EFR3B: variants seen among roughly 807,000 people sequenced by gnomAD.
EFR3B encodes the protein protein EFR3 homolog B.
In EFR3B, 64 loss-of-function variants were observed where a neutral mutation model predicts 104.7. The observed-to-expected ratio is 0.61, with a 90% CI of 0.50 to 0.75. The LOEUF (loss-of-function observed/expected upper bound fraction) is 0.75, where lower values mean the gene tolerates loss of function less well. Ranked by LOEUF, EFR3B falls within the 30% of genes least tolerant of loss-of-function variation. EFR3B has a pLI of 0.00. For missense variants in EFR3B, 750 were observed against 1,078.5 expected, an observed-to-expected ratio of 0.70 and a Z score of 4.27; for synonymous variants, 385 against 417.9, an observed-to-expected ratio of 0.92 and a Z score of 0.96.
At chr2:25,094,714 C>T (rs561945717) in intron 3 of EFR3B, among the ~76,000 whole-genome samples, 10 of 152,270 alleles carry the variant, frequency 6.6e-5, no homozygotes, top group African/African-American at 2.4e-4. Context: ...TTTAAAAACA[C>T]TTATGCCCTT....
At chr2:25,134,178 T>TATA (rs1491187057) in intron 12 of EFR3B, among the ~76,000 whole-genome samples, 105 of 4,472 alleles carry the variant, frequency 0.023, no homozygotes, top group African/African-American at 0.041. Context: ...TCAGTTTATA[T>TATA]TTTTTTTTTT....
In EFR3B at chr2:25,135,464, C is replaced by T; in HGVS notation, c.1312-3C>T. 1 of 1,551,710 alleles carries T rather than the reference C, an allele frequency of 6.4e-7. No individual in the cohort carries two copies. The highest frequency in any genetic ancestry group is 1.4e-5 in the African/African-American group (1 of 73,176). ...GGCATAGCTGTCCATACCTCCCTTGCAGGTATCCACAGGTTTCCAGTGCAA... is the reference window on the plus strand; with the variant it reads ...GGCATAGCTGTCCATACCTCCCTTGTAGGTATCCACAGGTTTCCAGTGCAA... On this transcript the variant is annotated splice_region_variant and splice_polypyrimidine_tract_variant and intron_variant, in intron 12 of 22. Transcript: ENST00000403714.
At chr2:25,076,780 T>C (rs1269013849) in intron 1 of EFR3B, among the ~76,000 whole-genome samples, 1 of 152,170 alleles carries the variant, frequency 6.6e-6, no homozygotes, top group Non-Finnish European at 1.5e-5. Flanking sequence ...TCAATTAAGG[T>C]GGCAATCAGA....
At chr2:25,105,357 T>C (rs2149192370) in intron 4 of EFR3B, among the ~76,000 whole-genome samples, 1 of 152,154 alleles carries the variant, frequency 6.6e-6, no homozygotes, top group Middle Eastern at 3.4e-3. Flanking sequence ...CACCATGTTG[T>C]CCAGGCTGGT....
chr2:25,076,656 C>T (rs1668640927), intron 1 of EFR3B, among the ~76,000 whole-genome samples: 1 of 152,290 alleles, frequency 6.6e-6, no homozygotes, highest in South Asian at 2.1e-4. Flanking sequence ...TCATTTTCAT[C>T]TATTCTTTGC....
At chr2:25,082,369 C>T (rs1668833059) in intron 1 of EFR3B, among the ~76,000 whole-genome samples, 1 of 152,216 alleles carries the variant, frequency 6.6e-6, no homozygotes, top group Admixed American at 6.5e-5. Flanking sequence ...CCCAGGCTCC[C>T]TGATGCCCAG....
Position 25,092,986 on chromosome 2 carries a change from G to A in EFR3B, c.85-17G>A. On this transcript the variant is annotated splice_polypyrimidine_tract_variant and intron_variant, in intron 2 of 22. Coordinates refer to ENST00000403714, the MANE Select transcript of EFR3B (RefSeq NM_014971.2). ...CATAGTGTGGCCATAGTGAGCACAA[G>A]CTGTTTTCTCCTACAGGATGGTCTG... 6.5e-7 allele frequency: 1 copy of A among 1,541,578 alleles called. No individual in the cohort carries two copies. The highest frequency in any genetic ancestry group is 8.7e-7 in the Non-Finnish European group (1 of 1,146,814).
rs116495670 is a variant in EFR3B, at chr2:25,153,717, G to T, written c.2304G>T (p.Ser768=). 657 of 1,551,654 alleles carry T rather than the reference G, an allele frequency of 4.2e-4. 1 individual carries two copies. The African/African-American group carries it at 8.1e-3, about 19-fold the overall frequency. Residue 768 remains serine, a synonymous_variant, in exon 22 of 23, where the codon TCG becomes TCT. Coordinates refer to ENST00000403714, the MANE Select transcript of EFR3B (RefSeq NM_014971.2). ...EIAAHCGARA[S]LLQSKLNQIF... is the part of the protein sequence containing the mutation. ...TTCCGTGTGTTTGTGTCTAGGCATC[G>T]CTGCTCCAGAGCAAACTCAATCAGA...
chr2:25,109,324 A>T (rs1174870674), intron 4 of EFR3B, among the ~76,000 whole-genome samples: 1 of 152,220 alleles, frequency 6.6e-6, no homozygotes, highest in Non-Finnish European at 1.5e-5. Context: ...ACACCACTTC[A>T]CACCCCCTAA....
chr2:25,043,400 G>C (rs1043121206), intron 1 of EFR3B, among the ~76,000 whole-genome samples: 1 of 152,178 alleles, frequency 6.6e-6, no homozygotes, highest in South Asian at 2.1e-4. Flanking sequence ...CTCGCTCCGC[G>C]AACAGACTGT....
intron 1 of EFR3B, among the ~76,000 whole-genome samples, chr2:25,057,786 A>AC (rs1379537097): frequency 6.6e-6 from 1 of 151,020 alleles, no homozygotes; most frequent in Non-Finnish European, 1.5e-5. Flanking sequence ...ACTCCGTCAA[A>AC]AAAAAAAAAA....
chr2:25,153,675 C>A (rs754547865), intron 21 of EFR3B, 37 bp from the exon 22 acceptor site: 2 of 1,549,974 alleles, frequency 1.3e-6, no homozygotes, highest in Non-Finnish European at 1.7e-6. Flanking sequence ...CTGGACCCCC[C>A]ACCCCTGCCA....
Position 25,132,109 on chromosome 2 carries a change from C to T in EFR3B, c.1147+198C>T, listed in dbSNP as rs879122457. 2.6e-5 allele frequency among the ~76,000 whole-genome samples: 4 copies of T among 152,278 alleles called. No individual in the cohort carries two copies. In the South Asian group the frequency reaches 8.3e-4, roughly 32 times the overall value. Reference sequence around the variant, plus strand: ...ATGGGGGTTGGAGAGGGAGGGACCGCACTGGGGCGAAGGGCATCCAACCGG... The same window carrying T: ...ATGGGGGTTGGAGAGGGAGGGACCGTACTGGGGCGAAGGGCATCCAACCGG... On this transcript the variant is annotated intron_variant, in intron 10 of 22. Coordinates refer to ENST00000403714, the MANE Select transcript of EFR3B (RefSeq NM_014971.2).
rs2149204786 is a variant in EFR3B at position 25,129,874 on chromosome 2, C to T, written c.636-101C>T. 2.8e-6 allele frequency: 4 copies of T among 1,452,730 alleles called. No homozygotes were observed. The South Asian group carries it at 4.1e-5, about 15-fold the overall frequency. The allele number at this position is 1,452,730 out of a possible 1,614,324, so 90.0% of individuals were successfully genotyped here. On this transcript the variant is annotated intron_variant, in intron 6 of 22. Coordinates refer to ENST00000403714, the MANE Select transcript of EFR3B (RefSeq NM_014971.2). ...TGCCTAGTGCAACCCATGTCAAATT[C>T]CTGCTTGTCTTGTGTGGATGAAACA...
chr2:25,049,007 C>T (rs1233194419), intron 1 of EFR3B, among the ~76,000 whole-genome samples: 1 of 152,110 alleles, frequency 6.6e-6, no homozygotes, highest in Non-Finnish European at 1.5e-5. Flanking sequence ...CTCCTACTAG[C>T]GGAATTTTTC....
rs1264080806 is a variant in EFR3B at position 25,154,259 on chromosome 2, C to T, written c.2373C>T (p.Thr791=). The change falls in exon 23 of 23, where the codon ACC becomes ACT. Residue 791 remains threonine, a synonymous_variant. Transcript: ENST00000403714. The surrounding 1 kb of genome is among the most constrained non-coding windows in gnomAD (Gnocchi z 4.1). The part of the protein sequence containing the change: ...TIRPPPSPSG[T]ITAAYGQPQN... ...GGCCCCCACCAAGCCCATCAGGAAC[C>T]ATCACTGCAGCCTACGGTCAGCCGC... 1 of 1,551,878 alleles carries T rather than the reference C, an allele frequency of 6.4e-7. No individual in the cohort carries two copies. Among genetic ancestry groups the T allele is most frequent in the African/African-American group, 1.4e-5 (1 of 73,166 alleles).
At chr2:25,150,981 A>T (rs1467789511) in intron 20 of EFR3B, among the ~76,000 whole-genome samples, 1 of 151,170 alleles carries the variant, frequency 6.6e-6, no homozygotes, top group Non-Finnish European at 1.5e-5. Flanking sequence ...GCACTTTGGG[A>T]GGCCAAGGTG....
intron 1 of EFR3B, among the ~76,000 whole-genome samples, chr2:25,089,997 C>T (rs544134901): frequency 6.6e-6 from 1 of 151,340 alleles, no homozygotes; most frequent in Non-Finnish European, 1.5e-5. Context: ...CAGTGGCACC[C>T]ACCCCATCCC....
chr2:25,153,361 A>AAAAAG (rs541478323), intron 21 of EFR3B, among the ~76,000 whole-genome samples: 3 of 152,070 alleles, frequency 2.0e-5, no homozygotes, highest in Non-Finnish European at 2.9e-5. Flanking sequence ...CTCAATTAAA[A>AAAAAG]AAAAGAAAAG....
Sources: allele counts gnomAD v4.1 joint callset (sites outside exome capture counted in the v4.1 genomes callset), GRCh38; gene constraint gnomAD v4.1.1; non-coding constraint Gnocchi (gnomAD v3.1); transcripts MANE v1.5; gene names NCBI Gene and HGNC (gene_info 2026-07-23, HGNC 2026-07-21).